EPPIN: variants seen among roughly 807,000 people sequenced by gnomAD.
EPPIN encodes the protein epididymal peptidase inhibitor.
EPPIN carries 14 observed loss-of-function variants against 18.8 expected under a neutral mutation model. The observed-to-expected ratio is 0.75, with a 90% confidence interval of 0.49 to 1.17. The LOEUF (loss-of-function observed/expected upper bound fraction) is 1.17. EPPIN is among the 50% of genes most tolerant of loss of function. The pLI is 0.00. For missense variants in EPPIN, 143 were observed against 154.2 expected (o/e 0.93, Z 0.39); for synonymous variants, 57 against 54.8 (o/e 1.04, Z -0.18).
Position 45,541,114 on chromosome 20 carries a change from T to C in EPPIN, c.*1030A>G, listed in dbSNP as rs1013821807. On this transcript the variant is annotated 3_prime_UTR_variant, in exon 4 of 4. Transcript: ENST00000354280. ...TAAAAAGAAATGAGATCACGTCCTT[T>C]GCAGGGACATGGATGAAGCTGGAAG... 1 of 152,218 alleles carries C rather than the reference T, an allele frequency of 6.6e-6. No homozygotes were observed. Among genetic ancestry groups the C allele is most frequent in the African/African-American group, 2.4e-5 (1 of 41,452 alleles). The allele number at this position is 152,218 out of a possible 1,614,324, so 9.4% of individuals were successfully genotyped here. A position where few individuals can be genotyped will look rare whatever the true frequency, so the allele number is the denominator to read the frequency against.
chr20:45,541,946 C>T lies in EPPIN; in HGVS notation c.*198G>A, dbSNP rs73910209. On this transcript the variant is annotated 3_prime_UTR_variant, in exon 4 of 4. Transcript: ENST00000354280. ...AGGGGACATAAAGATGAAATCAAAA[C>T]GGATGGATATTGTGCATCAAAAGAG... The T allele has an allele frequency of 4.5e-3, 2,514 of 564,118 alleles. 47 individuals are homozygous for T. The highest frequency in any genetic ancestry group is 0.043 in the African/African-American group (2,306 of 53,036). The allele number at this position is 564,118 out of a possible 1,614,324, so 34.9% of individuals were successfully genotyped here. A position where few individuals can be genotyped will look rare whatever the true frequency, so the allele number is the denominator to read the frequency against.
At chr20:45,544,785 T>C (rs1282305981) in intron 2 of EPPIN, 2 of 152,168 alleles carry the variant, frequency 1.3e-5, no homozygotes, top group African/African-American at 4.8e-5. Flanking sequence ...GCCCTTGGGA[T>C]CCAGGCAAGA....
At chr20:45,547,140 C>G (rs1361855899) in intron 1 of EPPIN, 127 bp downstream of exon 1, 3 of 1,356,638 alleles carry the variant, frequency 2.2e-6, no homozygotes, top group East Asian at 2.4e-5. Context: ...AAATATCTCT[C>G]TCCTCTCCCA....
chr20:45,547,345 C>T lies in EPPIN; in HGVS notation c.13G>A (p.Gly5Arg), dbSNP rs866445429. The change falls in exon 1 of 4, where the codon GGA becomes AGA. Residue 5 changes from glycine to arginine, a missense_variant. Physicochemically the swap from Gly to Arg is moderately radical, Grantham distance 125 (BLOSUM62 -2). Transcript: ENST00000354280. MGSS[G>R]LLSLLVLFVL... ...AATAGCACCAGGAGGCTCAAAAGTCCAGAAGATCCCATGTTGAAGAGAGGC... is the reference window on the plus strand; with the variant it reads ...AATAGCACCAGGAGGCTCAAAAGTCTAGAAGATCCCATGTTGAAGAGAGGC... 1 of 1,613,884 alleles carries T rather than the reference C, an allele frequency of 6.2e-7. No homozygotes were observed. Among genetic ancestry groups the T allele is most frequent in the South Asian group, 1.1e-5 (1 of 91,076 alleles).
chr20:45,545,968 C>T (rs1979813076), intron 1 of EPPIN, 198 bp from the exon 2 acceptor site: 1 of 717,552 alleles, frequency 1.4e-6, no homozygotes, highest in African/African-American at 1.8e-5. Flanking sequence ...CCTCTCCTCC[C>T]TCTATTCCCA....
chr20:45,545,367 C>T (rs976876915), intron 2 of EPPIN: 13 of 477,526 alleles, frequency 2.7e-5, no homozygotes, highest in Non-Finnish European at 4.3e-5. Context: ...GACAGGTATC[C>T]AAATAGCCAA....
rs751896217 is a variant in EPPIN at position 45,542,809 on chromosome 20, C to T, written c.282G>A (p.Trp94Ter). The T allele has an allele frequency of 1.1e-5, 17 of 1,613,820 alleles. No individual in the cohort carries two copies. Among genetic ancestry groups the T allele is most frequent in the Admixed American group, 1.0e-4 (6 of 59,996 alleles). Reference protein sequence around the residue: ...GPCLAYFLHWWYDKKDNTCSM... With the variant: ...GPCLAYFLHW Reference sequence around the variant, plus strand: ...AGCAAGTATTATCTTTCTTGTCATACCACCAATGAAGAAAATAAGCCAGGC... The same window carrying T: ...AGCAAGTATTATCTTTCTTGTCATATCACCAATGAAGAAAATAAGCCAGGC... The change falls in exon 3 of 4, where the codon TGG becomes TGA. Residue 94 changes from tryptophan to a stop codon, truncating the protein, a stop_gained. Coordinates refer to ENST00000354280, the MANE Select transcript of EPPIN (RefSeq NM_020398.4). LOFTEE classifies it high-confidence loss of function.
rs1979641517 is a variant in EPPIN, at chr20:45,542,562, T to C, written c.391+138A>G. 2.3e-6 allele frequency: 3 copies of C among 1,332,650 alleles called. No individual in the cohort carries two copies. In the Admixed American group the frequency reaches 7.4e-5, roughly 33 times the overall value. The allele number at this position is 1,332,650 out of a possible 1,614,324, so 82.6% of individuals were successfully genotyped here. A position where few individuals can be genotyped will look rare whatever the true frequency, so the allele number is the denominator to read the frequency against. On this transcript the variant is annotated intron_variant, in intron 3 of 3. Coordinates refer to ENST00000354280, the MANE Select transcript of EPPIN (RefSeq NM_020398.4). ...TTGTCTTGCCTTTTGCCAGGTGCAT[T>C]CTTACCTCCTGATCAGAGCTGGTTC...
chr20:45,545,895 T>G, intron 1 of EPPIN, 125 bp from the exon 2 acceptor site: 1 of 1,462,476 alleles, frequency 6.8e-7, no homozygotes, highest in Non-Finnish European at 9.3e-7. Context: ...CCCCAGGAGT[T>G]CTTTTCCTCA....
rs779380122 is a variant in EPPIN at position 45,547,381 on chromosome 20, G to T, written c.-24C>A. On this transcript the variant is annotated 5_prime_UTR_variant, in exon 1 of 4. Coordinates refer to ENST00000354280, the MANE Select transcript of EPPIN (RefSeq NM_020398.4). ...ATGTTGAAGAGAGGCCAGCCTTTCT[G>T]GTGGTTCCCGAATTTGGAATGCTCA... 1 of 1,612,652 alleles carries T rather than the reference G, an allele frequency of 6.2e-7. No homozygotes were observed.
At chr20:45,544,536 C>T (rs1020014912) in intron 2 of EPPIN, 2 of 152,234 alleles carry the variant, frequency 1.3e-5, no homozygotes, top group African/African-American at 4.8e-5. Flanking sequence ...ATATGAGTGA[C>T]TTAGCCCCCT....
In EPPIN at chr20:45,547,384, G is replaced by C. The variant is rs373850475; in HGVS notation, c.-27C>G. On this transcript the variant is annotated 5_prime_UTR_variant, in exon 1 of 4. Transcript: ENST00000354280. Reference sequence around the variant, plus strand: ...TTGAAGAGAGGCCAGCCTTTCTGGTGGTTCCCGAATTTGGAATGCTCAGCT... The same window carrying C: ...TTGAAGAGAGGCCAGCCTTTCTGGTCGTTCCCGAATTTGGAATGCTCAGCT... 10 of 1,612,408 alleles carry C rather than the reference G, an allele frequency of 6.2e-6. No homozygotes were observed. Among genetic ancestry groups the C allele is most frequent in the Middle Eastern group, 1.7e-4 (1 of 5,948 alleles).
intron 2 of EPPIN, chr20:45,544,256 T>C (rs1600876848): frequency 6.6e-6 from 1 of 152,318 alleles, no homozygotes; most frequent in Non-Finnish European, 1.5e-5. Context: ...AGAAAAGGCA[T>C]GATCTCTGCT....
intron 1 of EPPIN, chr20:45,546,121 G>A (rs1468721668): frequency 5.5e-6 from 2 of 363,328 alleles, no homozygotes; most frequent in Non-Finnish European, 9.8e-6. Flanking sequence ...GAATCCAGTA[G>A]CACCCCTGAT....
At position 45,545,765 on chromosome 20, in the gene EPPIN, A is replaced by T. The variant is rs369542899; in HGVS notation, c.97T>A (p.Cys33Ser). Residue 33 changes from cysteine to serine, a missense_variant, in exon 2 of 4, where the codon TGT becomes AGT. Transcript: ENST00000354280. ...TCACATTCTTCTCTGATTTTGGGAC[A>T]TCTCCCTAGGGAAAGAGCGGTTTTA... Reference protein sequence around the residue: ...GLTDWLFPRRCPKIREECEFQ... With the variant: ...GLTDWLFPRRSPKIREECEFQ... 6.2e-6 allele frequency: 10 copies of T among 1,613,850 alleles called. No homozygotes were observed. In the African/African-American group the frequency reaches 1.2e-4, roughly 19 times the overall value.
intron 1 of EPPIN, chr20:45,546,042 ATTCT>A: frequency 2.0e-6 from 1 of 493,770 alleles, no homozygotes; most frequent in Non-Finnish European, 3.5e-6. Flanking sequence ...GGGCTGGATA[ATTCT>A]TTGTTTGGGG....
chr20:45,545,495 A>G (rs1979784995), intron 2 of EPPIN, 144 bp downstream of exon 2: 1 of 1,406,268 alleles, frequency 7.1e-7, no homozygotes, highest in Non-Finnish European at 9.8e-7. Flanking sequence ...TGGCACAGTA[A>G]TGAATCTAAA....
intron 1 of EPPIN, among the ~76,000 whole-genome samples, chr20:45,546,582 C>A (rs1016517186): frequency 6.6e-6 from 1 of 152,150 alleles, no homozygotes; most frequent in Non-Finnish European, 1.5e-5. Flanking sequence ...TTAATATCCC[C>A]ATTTTACACA....
rs934291144 is a variant in EPPIN, at chr20:45,541,042, G to C, written c.*1102C>G. The C allele has an allele frequency of 6.6e-6, 1 of 152,162 alleles. No individual in the cohort carries two copies. The highest frequency in any genetic ancestry group is 2.4e-5 in the African/African-American group (1 of 41,434). 9.4% of individuals were successfully genotyped at this position (152,162 alleles called of 1,614,324 possible). ...CCAAATATCCATCAACGATAGGCTG[G>C]ATAAAGAAAATGTGGTACATATATG... On this transcript the variant is annotated 3_prime_UTR_variant, in exon 4 of 4. Transcript: ENST00000354280.
Sources: gnomAD v4.1 joint callset for allele counts (sites outside exome capture counted in the v4.1 genomes callset) on GRCh38, gnomAD v4.1.1 for gene constraint, MANE v1.5 for transcripts, NCBI Gene and HGNC (gene_info 2026-07-23, HGNC 2026-07-21) for gene names.